Variants in ARHGAP24 observed in about 807,000 individuals in gnomAD.
ARHGAP24 encodes Rho GTPase activating protein 24, also known as rho GTPase-activating protein 24.
A neutral mutation model predicts 76.4 loss-of-function variants in ARHGAP24; 50 were observed. That is an observed-to-expected ratio of 0.65 (90% CI 0.52 to 0.83). The LOEUF (loss-of-function observed/expected upper bound fraction) is 0.83, where lower values mean the gene tolerates loss of function less well. ARHGAP24 is among the 40% of genes least tolerant of loss of function. The pLI is 0.00. For synonymous variants in ARHGAP24, 345 were observed against 323.3 expected, an observed-to-expected ratio of 1.07 and a Z score of -0.72; for missense variants, 930 against 914.2, an observed-to-expected ratio of 1.02 and a Z score of -0.22.
At chr4:85,755,278 C>T (rs1169628971) in intron 3 of ARHGAP24, among the ~76,000 whole-genome samples, 4 of 152,076 alleles carry the variant, frequency 2.6e-5, no homozygotes, top group Non-Finnish European at 2.9e-5. Flanking sequence ...AACTAATTTG[C>T]CTACATCCTG....
At chr4:85,945,431 TAACA>T (rs796278656) in intron 5 of ARHGAP24, among the ~76,000 whole-genome samples, 7 of 152,048 alleles carry the variant, frequency 4.6e-5, no homozygotes, top group African/African-American at 1.7e-4. Flanking sequence ...CGAGTGTAAA[TAACA>T]AACAAATAAA....
chr4:85,516,376 A>G (rs4693701), intron 1 of ARHGAP24, among the ~76,000 whole-genome samples: 109,964 of 152,038 alleles, frequency 0.72, 39,856 homozygotes, highest in East Asian at 0.79. Context: ...ATGTTTTTGG[A>G]ACCAGAAGTA....
Position 85,898,043 on chromosome 4 carries a change from A to ATG in ARHGAP24, c.269-25604_269-25603insGT, listed in dbSNP as rs1450693395. Among the ~76,000 whole-genome samples, 5 of 146,352 alleles carry ATG rather than the reference A, an allele frequency of 3.4e-5. No homozygotes were observed. The Admixed American group carries it at 3.4e-4, about 10-fold the overall frequency. The stretch of plus-strand genomic sequence containing the variant: ...CACACACATATATGTGTATATATAT[A>ATG]TATATATATATATATAATTATTTTT... On this transcript the variant is annotated intron_variant, in intron 3 of 9. Coordinates refer to ENST00000395184, the MANE Select transcript of ARHGAP24 (RefSeq NM_001025616.3).
chr4:85,817,579 A>G (rs1729295033), intron 3 of ARHGAP24, among the ~76,000 whole-genome samples: 1 of 152,218 alleles, frequency 6.6e-6, no homozygotes, highest in Admixed American at 6.5e-5. Context: ...TGAATTATGT[A>G]TTTGATAAAT....
chr4:85,783,921 C>T lies in ARHGAP24; in HGVS notation c.268+61949C>T, dbSNP rs1227231873. ...CCTTTTACTTGCACCTTTGCTTTTCCTCACTGCACAACGATGTTCAGGCCT... is the reference window on the plus strand; with the variant it reads ...CCTTTTACTTGCACCTTTGCTTTTCTTCACTGCACAACGATGTTCAGGCCT... On this transcript the variant is annotated intron_variant, in intron 3 of 9. Transcript: ENST00000395184. Among the ~76,000 whole-genome samples the T allele has an allele frequency of 2.0e-5, 3 of 152,136 alleles. No individual in the cohort carries two copies. The East Asian group carries it at 5.8e-4, about 29-fold the overall frequency.
At chr4:85,657,918 C>T (rs1003898817) in intron 2 of ARHGAP24, among the ~76,000 whole-genome samples, 2 of 152,126 alleles carry the variant, frequency 1.3e-5, no homozygotes, top group Admixed American at 6.6e-5. Context: ...CCATGCCTAG[C>T]TAATTTTTGT....
At chr4:85,866,117 T>C (rs917330463) in intron 3 of ARHGAP24, among the ~76,000 whole-genome samples, 12 of 152,142 alleles carry the variant, frequency 7.9e-5, no homozygotes, top group Non-Finnish European at 4.4e-5. Flanking sequence ...ATTTATCAGA[T>C]GCAATATTGA....
At chr4:85,552,418 T>C (rs1726175401) in intron 1 of ARHGAP24, among the ~76,000 whole-genome samples, 2 of 152,338 alleles carry the variant, frequency 1.3e-5, no homozygotes, top group South Asian at 2.1e-4. Flanking sequence ...TTTTTGAATT[T>C]GTTGATTGTT....
At chr4:85,655,786 T>TAGAGAGAGAG (rs1484355846) in intron 2 of ARHGAP24, among the ~76,000 whole-genome samples, 7 of 32,732 alleles carry the variant, frequency 2.1e-4, no homozygotes, top group Admixed American at 6.8e-4. Context: ...TATATATATA[T>TAGAGAGAGAG]ATATATAGAG....
At chr4:85,910,984 C>T (rs910794379) in intron 3 of ARHGAP24, among the ~76,000 whole-genome samples, 2 of 152,116 alleles carry the variant, frequency 1.3e-5, no homozygotes, top group African/African-American at 2.4e-5. Flanking sequence ...GCTCTGAGAT[C>T]GGAGTGGACA....
At chr4:85,674,922 G>C (rs530267271) in intron 2 of ARHGAP24, among the ~76,000 whole-genome samples, 1 of 152,208 alleles carries the variant, frequency 6.6e-6, no homozygotes, top group South Asian at 2.1e-4. Flanking sequence ...ACAAATGTAC[G>C]TCTAGCCAAT....
chr4:85,843,984 A>T (rs929014300), intron 3 of ARHGAP24, among the ~76,000 whole-genome samples: 2 of 152,208 alleles, frequency 1.3e-5, no homozygotes, highest in Non-Finnish European at 2.9e-5. Flanking sequence ...AAAAAGCCCT[A>T]AAACATAATT....
At chr4:85,682,981 C>G (rs182636571) in intron 2 of ARHGAP24, among the ~76,000 whole-genome samples, 1 of 151,962 alleles carries the variant, frequency 6.6e-6, no homozygotes, top group Non-Finnish European at 1.5e-5. Context: ...TTGCCTGGTA[C>G]ATTACAATAA....
intron 3 of ARHGAP24, among the ~76,000 whole-genome samples, chr4:85,762,505 C>A (rs1032006738): frequency 6.6e-6 from 1 of 152,150 alleles, no homozygotes; most frequent in Non-Finnish European, 1.5e-5. Flanking sequence ...ATTAACAAAA[C>A]TGCGTTGTTT....
chr4:85,578,749 T>TATCATC (rs3028042), intron 2 of ARHGAP24, among the ~76,000 whole-genome samples: 39 of 151,254 alleles, frequency 2.6e-4, no homozygotes, highest in African/African-American at 9.0e-4. Context: ...TTGATGTTAC[T>TATCATC]ATCATCATCA....
At chr4:85,700,656 G>C (rs1000097801) in intron 2 of ARHGAP24, among the ~76,000 whole-genome samples, 1 of 152,174 alleles carries the variant, frequency 6.6e-6, no homozygotes, top group South Asian at 2.1e-4. Flanking sequence ...TTGTGTGTTA[G>C]ATATCCAAGT....
At chr4:85,974,851 G>T (rs375963903) in intron 6 of ARHGAP24, 37 bp from the exon 7 acceptor site, 50 of 1,592,866 alleles carry the variant, frequency 3.1e-5, no homozygotes, top group Non-Finnish European at 4.2e-5. Context: ...AGGCCAACGT[G>T]TAGAAAAATA....
At chr4:85,599,706 A>G (rs1283034962) in intron 2 of ARHGAP24, among the ~76,000 whole-genome samples, 5 of 152,146 alleles carry the variant, frequency 3.3e-5, no homozygotes, top group African/African-American at 4.8e-5. Flanking sequence ...ACATATTCTA[A>G]ATATAAAATT....
rs1560536782 is a variant in ARHGAP24 at position 85,570,390 on chromosome 4, CTTTCTTTCTTTCTTTCTTTCTTTCT to C, written c.-20-129_-20-105del. On this transcript the variant is annotated intron_variant, in intron 1 of 9. Transcript: ENST00000395184. ...TCTTTCTTTCTTTCTTTCTTTCTTT[CTTTCTTTCTTTCTTTCTTTCTTTCT>C]TTCCTCTCTCTCTCTCTTTTTTTTT... The C allele has an allele frequency of 3.5e-4, 5 of 14,186 alleles. 1 individual carries two copies. The highest frequency in any genetic ancestry group is 5.2e-4 in the Non-Finnish European group (4 of 7,638). 0.9% of individuals were successfully genotyped at this position (14,186 alleles called of 1,614,324 possible). A position where few individuals can be genotyped will look rare whatever the true frequency, so the allele number is the denominator to read the frequency against.
Sources: allele counts gnomAD v4.1 joint callset (sites outside exome capture counted in the v4.1 genomes callset), GRCh38; gene constraint gnomAD v4.1.1; transcripts MANE v1.5; gene names NCBI Gene and HGNC (gene_info 2026-07-23, HGNC 2026-07-21).